The following CFDP1 variants were observed in gnomAD, a reference collection of about 807,000 sequenced individuals.
The protein encoded by CFDP1 is heterochromatin-stabilizing protein CFDP1.
A neutral mutation model predicts 40.1 loss-of-function variants in CFDP1; 31 were observed. The observed-to-expected ratio is 0.77, with a 90% CI of 0.58 to 1.04. CFDP1 has a LOEUF of 1.04. Ranked by LOEUF, CFDP1 falls within the 50% of genes least tolerant of loss-of-function variation. The probability of loss-of-function intolerance (pLI) is 0.00; values close to 1 mark genes in which losing one functional copy is unlikely to be tolerated. For missense variants in CFDP1, 423 were observed against 343.4 expected (o/e 1.23, Z -1.83); for synonymous variants, 167 against 120.0 (o/e 1.39, Z -2.56).
intron 6 of CFDP1, among the ~76,000 whole-genome samples, chr16:75,299,249 ACAT>A (rs2078205079): frequency 6.6e-6 from 1 of 152,170 alleles, no homozygotes; most frequent in South Asian, 2.1e-4. Context: ...CTGGATGGAA[ACAT>A]CATTCTGACG....
At chr16:75,334,151 C>T (rs1378289775) in intron 5 of CFDP1, among the ~76,000 whole-genome samples, 1 of 152,020 alleles carries the variant, frequency 6.6e-6, no homozygotes, top group Non-Finnish European at 1.5e-5. Flanking sequence ...CATTGCCAGC[C>T]CCACCCACTC....
rs530500089 is a variant in CFDP1 at position 75,297,565 on chromosome 16, G to A, written c.810-3523C>T. On this transcript the variant is annotated intron_variant, in intron 6 of 6. Transcript: ENST00000283882. ...CACGGCTCTTGCTCTTGATGTGTCC[G>A]GGTGCTTTTCTGGCCTGTGCGCAGC... Among the ~76,000 whole-genome samples the A allele has an allele frequency of 1.6e-4, 24 of 152,222 alleles. No individual in the cohort carries two copies. The South Asian group carries it at 4.4e-3, about 28-fold the overall frequency.
At chr16:75,334,214 C>CCTAACA (rs2078468949) in intron 5 of CFDP1, among the ~76,000 whole-genome samples, 1 of 151,868 alleles carries the variant, frequency 6.6e-6, no homozygotes, top group Admixed American at 6.6e-5. Context: ...TAACCCTAAC[C>CCTAACA]CTAACCCTAA....
At chr16:75,421,002 T>G (rs2079272841) in intron 1 of CFDP1, among the ~76,000 whole-genome samples, 1 of 152,186 alleles carries the variant, frequency 6.6e-6, no homozygotes. Context: ...CTCTGGATCT[T>G]AAACATGTAA....
intron 5 of CFDP1, among the ~76,000 whole-genome samples, chr16:75,381,827 G>A (rs1167812387): frequency 1.3e-5 from 2 of 152,192 alleles, no homozygotes; most frequent in Non-Finnish European, 1.5e-5. Context: ...AGAGCAGAGG[G>A]AGAATCATCA....
At chr16:75,431,172 C>T (rs2079409354) in intron 1 of CFDP1, among the ~76,000 whole-genome samples, 2 of 151,832 alleles carry the variant, frequency 1.3e-5, no homozygotes, top group South Asian at 4.2e-4. Context: ...AAACACTGGG[C>T]CTGGCACGGT....
At chr16:75,356,911 CTT>C (rs576406459) in intron 5 of CFDP1, among the ~76,000 whole-genome samples, 5 of 80,666 alleles carry the variant, frequency 6.2e-5, no homozygotes, top group South Asian at 4.0e-4. Flanking sequence ...TGCTTTCTTT[CTT>C]TTTTTTTTTT....
At chr16:75,392,384 AACAGTG>A (rs1660127204) in intron 5 of CFDP1, among the ~76,000 whole-genome samples, 1 of 152,010 alleles carries the variant, frequency 6.6e-6, no homozygotes, top group African/African-American at 2.4e-5. Context: ...CAGCCCAGGA[AACAGTG>A]CGAGACTCCA....
chr16:75,387,930 A>T (rs558937904), intron 5 of CFDP1, among the ~76,000 whole-genome samples: 12 of 152,384 alleles, frequency 7.9e-5, no homozygotes, highest in African/African-American at 2.9e-4. Flanking sequence ...ATGGGGAAAC[A>T]GCCCTCTCAC....
chr16:75,367,074 G>A (rs1423535755), intron 5 of CFDP1, among the ~76,000 whole-genome samples: 2 of 149,080 alleles, frequency 1.3e-5, no homozygotes, highest in African/African-American at 5.0e-5. Context: ...TGAGGAAGGG[G>A]AACTACTTGA....
At chr16:75,339,163 T>C (rs774896397) in intron 5 of CFDP1, among the ~76,000 whole-genome samples, 18 of 152,168 alleles carry the variant, frequency 1.2e-4, no homozygotes, top group Admixed American at 2.6e-4. Flanking sequence ...GCCTCCTTAT[T>C]GTATTCACTT....
chr16:75,430,859 G>A (rs1207720010), intron 1 of CFDP1, among the ~76,000 whole-genome samples: 3 of 152,126 alleles, frequency 2.0e-5, no homozygotes, highest in Non-Finnish European at 4.4e-5. Flanking sequence ...AGTCTGCATC[G>A]ATGTTAATGT....
chr16:75,345,638 C>G (rs911388541), intron 5 of CFDP1, among the ~76,000 whole-genome samples: 28 of 152,022 alleles, frequency 1.8e-4, no homozygotes, highest in African/African-American at 5.6e-4. Context: ...AAGACCCTGT[C>G]TCTTAAAAAA....
At chr16:75,317,190 G>T (rs1233715975) in intron 5 of CFDP1, among the ~76,000 whole-genome samples, 1 of 152,090 alleles carries the variant, frequency 6.6e-6, no homozygotes, top group African/African-American at 2.4e-5. Flanking sequence ...TACGCATGAG[G>T]GTTAAATGAC....
intron 4 of CFDP1, 21 bp from the exon 5 acceptor site, chr16:75,395,230 T>C (rs910020053): frequency 6.2e-7 from 1 of 1,610,488 alleles, no homozygotes; most frequent in Non-Finnish European, 8.5e-7. Context: ...GAAAAAGACA[T>C]CAAGCTTACA....
At chr16:75,371,878 G>C (rs1415860174) in intron 5 of CFDP1, among the ~76,000 whole-genome samples, 1 of 151,976 alleles carries the variant, frequency 6.6e-6, no homozygotes, top group Non-Finnish European at 1.5e-5. Context: ...TAATTTCCTT[G>C]TCCTAATACG....
intron 5 of CFDP1, among the ~76,000 whole-genome samples, chr16:75,344,353 T>C (rs751058906): frequency 4.6e-5 from 7 of 152,194 alleles, no homozygotes; most frequent in Non-Finnish European, 8.8e-5. Context: ...GTTAGGTGTA[T>C]TTCACCACAG....
At chr16:75,323,487 AG>A (rs1263741868) in intron 5 of CFDP1, among the ~76,000 whole-genome samples, 2 of 151,888 alleles carry the variant, frequency 1.3e-5, no homozygotes, top group African/African-American at 4.8e-5. Context: ...AACAATTTAA[AG>A]TATACTATAG....
At chr16:75,390,255 C>A (rs1406980765) in intron 5 of CFDP1, among the ~76,000 whole-genome samples, 1 of 152,208 alleles carries the variant, frequency 6.6e-6, no homozygotes, top group Non-Finnish European at 1.5e-5. Flanking sequence ...GTGAGGACAG[C>A]CTGATGAAGA....
Sources: allele counts gnomAD v4.1 joint callset (sites outside exome capture counted in the v4.1 genomes callset), GRCh38; gene constraint gnomAD v4.1.1; transcripts MANE v1.5; gene names NCBI Gene and HGNC (gene_info 2026-07-23, HGNC 2026-07-21).